SHROOM3: variants seen among roughly 807,000 people sequenced by gnomAD.
SHROOM3 encodes the protein shroom family member 3, also known as protein Shroom3.
A neutral mutation model predicts 138.6 loss-of-function variants in SHROOM3; 47 were observed. The ratio of observed to expected loss-of-function variants is 0.34; its 90% confidence interval spans 0.27 to 0.43. The LOEUF is 0.43. Ranked by LOEUF, SHROOM3 falls within the 20% of genes least tolerant of loss-of-function variation. The pLI is 1.00. For synonymous variants in SHROOM3, 1,062 were observed against 1,063.3 expected (o/e 1.00, Z 0.02); for missense variants, 2,491 against 2,596.5 (o/e 0.96, Z 0.88).
chr4:76,750,296 ACAAT>A (rs1176933969), intron 6 of SHROOM3, among the ~76,000 whole-genome samples: 1 of 152,212 alleles, frequency 6.6e-6, no homozygotes, highest in Non-Finnish European at 1.5e-5. Context: ...GAAACAACAA[ACAAT>A]CAAATAACCC....
At chr4:76,543,839 C>T (rs1047688547) in intron 1 of SHROOM3, among the ~76,000 whole-genome samples, 3 of 152,152 alleles carry the variant, frequency 2.0e-5, no homozygotes, top group African/African-American at 4.8e-5. Flanking sequence ...AGGTGGAGAG[C>T]CAGGAATACT....
At chr4:76,523,625 A>T (rs759997140) in intron 1 of SHROOM3, among the ~76,000 whole-genome samples, 2 of 152,216 alleles carry the variant, frequency 1.3e-5, no homozygotes, top group Non-Finnish European at 2.9e-5. Flanking sequence ...TCTTCAGGCT[A>T]TGTCGAAGTT....
chr4:76,732,228 C>T (rs932212969), intron 4 of SHROOM3, among the ~76,000 whole-genome samples: 1 of 152,136 alleles, frequency 6.6e-6, no homozygotes, highest in Non-Finnish European at 1.5e-5. Flanking sequence ...TCCTTACATA[C>T]AAAGGAGACG....
chr4:76,592,438 C>G (rs1200732458), intron 2 of SHROOM3, among the ~76,000 whole-genome samples: 1 of 152,220 alleles, frequency 6.6e-6, no homozygotes, highest in Non-Finnish European at 1.5e-5. Context: ...ATTATTACCA[C>G]TACATAGTCT....
chr4:76,692,067 G>T (rs935054160), intron 2 of SHROOM3, among the ~76,000 whole-genome samples: 8 of 152,140 alleles, frequency 5.3e-5, no homozygotes, highest in African/African-American at 1.9e-4. Flanking sequence ...ACTTGAACAG[G>T]AGCTGTTTCC....
At position 76,741,601 on chromosome 4, in the gene SHROOM3, G is replaced by A; in HGVS notation, c.3428G>A (p.Arg1143Gln). The change falls in exon 5 of 11, where the codon CGG (arginine) becomes CAG (glutamine). Residue 1143 changes from arginine to glutamine, a missense_variant. Around this residue, in one of 4 missense-constraint regions of SHROOM3, gnomAD observed 1,733 missense variants for 1,661.6 expected, o/e 1.04. Coordinates refer to ENST00000296043, the MANE Select transcript of SHROOM3 (RefSeq NM_020859.4). This position sits in a 1 kb window ranked among gnomAD's most constrained non-coding sequence, Gnocchi z 6.2. ...TCGGCCTCCAGCTTGAGCTCACTGC[G>A]GGAGCCCAGCCTGCAGCCCCGCAGG... is the stretch of plus-strand genomic sequence containing the variant. ...LASASSLSSL[R>Q]EPSLQPRREA... 1.3e-6 allele frequency: 2 copies of A among 1,539,842 alleles called. No homozygotes were observed. Among genetic ancestry groups the A allele is most frequent in the Non-Finnish European group, 1.7e-6 (2 of 1,148,568 alleles).
intron 2 of SHROOM3, among the ~76,000 whole-genome samples, chr4:76,660,079 C>T (rs1177169025): frequency 4.6e-5 from 7 of 152,210 alleles, no homozygotes; most frequent in South Asian, 2.1e-4. Context: ...CCACCTCACA[C>T]GCACCTCTCT....
In SHROOM3 at chr4:76,447,219, G is replaced by T. The variant is rs542893724; in HGVS notation, c.168+10999G>T. Among the ~76,000 whole-genome samples the T allele has an allele frequency of 3.9e-5, 6 of 152,268 alleles. No homozygotes were observed. In the East Asian group the frequency reaches 1.2e-3, roughly 29 times the overall value. On this transcript the variant is annotated intron_variant, in intron 1 of 10. Transcript: ENST00000296043. ...TGAAGTCAAAACCCAGGCAATTTAA[G>T]TGGAAATAAGCATTCTTCAGGTTAG...
intron 6 of SHROOM3, among the ~76,000 whole-genome samples, chr4:76,752,222 T>C (rs1033546699): frequency 1.3e-5 from 2 of 152,212 alleles, no homozygotes; most frequent in Non-Finnish European, 2.9e-5. Context: ...TACTGTATAA[T>C]TTCACTTGTA....
intron 2 of SHROOM3, among the ~76,000 whole-genome samples, chr4:76,646,225 A>ATATATATAT (rs1553932802): frequency 1.9e-4 from 18 of 96,246 alleles, no homozygotes; most frequent in African/African-American, 7.9e-4. Context: ...ATAATAAATA[A>ATATATATAT]ATATATATAT....
At chr4:76,744,999 C>T (rs1276831568) in intron 5 of SHROOM3, among the ~76,000 whole-genome samples, 1 of 152,232 alleles carries the variant, frequency 6.6e-6, no homozygotes, top group East Asian at 1.9e-4. Flanking sequence ...CTACTTGTAG[C>T]CTGAGACCTT....
At chr4:76,516,166 G>A (rs1016130953) in intron 1 of SHROOM3, among the ~76,000 whole-genome samples, 7 of 152,176 alleles carry the variant, frequency 4.6e-5, no homozygotes, top group Admixed American at 1.3e-4. Flanking sequence ...TATGGTTAGT[G>A]AATGACCAAG....
chr4:76,729,994 C>T (rs1051570682), intron 3 of SHROOM3, among the ~76,000 whole-genome samples: 1 of 152,176 alleles, frequency 6.6e-6, no homozygotes, highest in African/African-American at 2.4e-5. Flanking sequence ...CAAGAATTTT[C>T]AGCATGAAAT....
chr4:76,492,601 A>AT (rs1366438781), intron 1 of SHROOM3, among the ~76,000 whole-genome samples: 1 of 152,174 alleles, frequency 6.6e-6, no homozygotes, highest in East Asian at 1.9e-4. Flanking sequence ...AGGAAAAAAA[A>AT]CCCTATGCTA....
intron 1 of SHROOM3, among the ~76,000 whole-genome samples, chr4:76,439,064 T>A (rs1378718549): frequency 6.6e-6 from 1 of 152,196 alleles, no homozygotes; most frequent in Non-Finnish European, 1.5e-5. Flanking sequence ...CTCACACAGA[T>A]CTCACTGAGC....
intron 2 of SHROOM3, among the ~76,000 whole-genome samples, chr4:76,606,886 C>G (rs1009787407): frequency 3.3e-5 from 5 of 152,046 alleles, no homozygotes; most frequent in South Asian, 2.1e-4. Context: ...AGAAAGTGGT[C>G]TTGGTATGCT....
intron 1 of SHROOM3, among the ~76,000 whole-genome samples, chr4:76,482,763 C>T (rs1448962457): frequency 6.6e-6 from 1 of 152,176 alleles, no homozygotes; most frequent in Non-Finnish European, 1.5e-5. Context: ...TATAAGGCTA[C>T]AGTAACCAAA....
chr4:76,676,417 A>G (rs141991702), intron 2 of SHROOM3, among the ~76,000 whole-genome samples: 1 of 152,230 alleles, frequency 6.6e-6, no homozygotes, highest in African/African-American at 2.4e-5. Flanking sequence ...TAGGAGGAAG[A>G]TTTTTGTTTT....
At position 76,487,086 on chromosome 4, in the gene SHROOM3, A is replaced by T. The variant is rs143680140; in HGVS notation, c.168+50866A>T. 1.6e-3 allele frequency among the ~76,000 whole-genome samples: 248 copies of T among 152,264 alleles called. 1 individual carries two copies. Among genetic ancestry groups the T allele is most frequent in the African/African-American group, 5.8e-3 (239 of 41,550 alleles). On this transcript the variant is annotated intron_variant, in intron 1 of 10. Coordinates refer to ENST00000296043, the MANE Select transcript of SHROOM3 (RefSeq NM_020859.4). ...ATAAACCTCATGCCCATTAACAGTCATTCTCTGTTCCTCTCTTGCCCCAGC... is the reference window on the plus strand; with the variant it reads ...ATAAACCTCATGCCCATTAACAGTCTTTCTCTGTTCCTCTCTTGCCCCAGC...
Sources: allele counts gnomAD v4.1 joint callset (sites outside exome capture counted in the v4.1 genomes callset), GRCh38; gene constraint gnomAD v4.1.1; regional missense constraint gnomAD v4.1.1; non-coding constraint Gnocchi (gnomAD v3.1); transcripts MANE v1.5; gene names NCBI Gene and HGNC (gene_info 2026-07-23, HGNC 2026-07-21).